The following CEP164 variants were observed in gnomAD, a reference collection of about 807,000 sequenced individuals.
CEP164 encodes centrosomal protein of 164 kDa.
A neutral mutation model predicts 182.7 loss-of-function variants in CEP164; 162 were observed. That is an observed-to-expected ratio of 0.89 (90% CI 0.78 to 1.01). The LOEUF (loss-of-function observed/expected upper bound fraction) is 1.01. CEP164 is among the 50% of genes least tolerant of loss of function. The pLI, the probability that CEP164 is intolerant of heterozygous loss-of-function variation, is 0.00. For synonymous variants in CEP164, 661 were observed against 690.0 expected (o/e 0.96, Z 0.66); for missense variants, 1,735 against 1,790.4 (o/e 0.97, Z 0.56).
Position 117,383,043 on chromosome 11 carries a change from G to A in CEP164, c.1724+101G>A. The A allele has an allele frequency of 5.1e-6, 7 of 1,362,304 alleles. No homozygotes were observed. The South Asian group carries it at 9.7e-5, about 19-fold the overall frequency. The allele number at this position is 1,362,304 out of a possible 1,614,324, so 84.4% of individuals were successfully genotyped here. ...TGGTGGGAGGTGGGGCTCAGGCTCTGGCCAAGGGTTAGAGTGTAGGGAGAT... is the reference window on the plus strand; with the variant it reads ...TGGTGGGAGGTGGGGCTCAGGCTCTAGCCAAGGGTTAGAGTGTAGGGAGAT... On this transcript the variant is annotated intron_variant, in intron 14 of 32. Coordinates refer to ENST00000278935, the MANE Select transcript of CEP164 (RefSeq NM_014956.5).
At chr11:117,377,369 C>T (rs2042865576) in intron 11 of CEP164, among the ~76,000 whole-genome samples, 1 of 152,226 alleles carries the variant, frequency 6.6e-6, no homozygotes, top group Non-Finnish European at 1.5e-5. Flanking sequence ...ACCCCCTGCT[C>T]TGTGGCCTGG....
intron 11 of CEP164, among the ~76,000 whole-genome samples, chr11:117,377,858 T>C (rs1462473904): frequency 6.6e-6 from 1 of 151,554 alleles, no homozygotes; most frequent in African/African-American, 2.4e-5. Context: ...CTTTCTTTCT[T>C]TTCTTTTCTT....
Position 117,394,406 on chromosome 11 carries a change from G to A in CEP164, c.2673G>A (p.Leu891=). Residue 891 remains leucine, a synonymous_variant, in exon 21 of 33, where the codon CTG becomes CTA. Transcript: ENST00000278935. This position sits in a 1 kb window ranked among gnomAD's most constrained non-coding sequence, Gnocchi z 4.0. The part of the protein sequence containing the change: ...LGHLTGELER[L]QRAHERELET... ...ACCTGACCGGAGAGCTGGAGCGCCT[G>A]CAGAGGGCCCATGAACGAGAACTGG... 6.2e-7 allele frequency: 1 copy of A among 1,613,240 alleles called. No individual in the cohort carries two copies. Among genetic ancestry groups the A allele is most frequent in the Non-Finnish European group, 8.5e-7 (1 of 1,179,700 alleles).
chr11:117,351,097 A>G (rs1230594641), intron 4 of CEP164, among the ~76,000 whole-genome samples: 1 of 152,170 alleles, frequency 6.6e-6, no homozygotes, highest in Non-Finnish European at 1.5e-5. Context: ...CAATGGCACA[A>G]TCTTGGCTCA....
intron 8 of CEP164, among the ~76,000 whole-genome samples, chr11:117,366,216 A>G (rs992781181): frequency 7.9e-5 from 12 of 151,888 alleles, no homozygotes; most frequent in Admixed American, 3.9e-4. Flanking sequence ...GCTCTTTGAA[A>G]ATGGCTTTTG....
At chr11:117,363,023 A>G (rs558464980) in intron 7 of CEP164, among the ~76,000 whole-genome samples, 4 of 152,346 alleles carry the variant, frequency 2.6e-5, no homozygotes, top group Admixed American at 6.5e-5. Context: ...ATAATATTCC[A>G]TGGTATGGAT....
intron 18 of CEP164, 22 bp from the exon 19 acceptor site, chr11:117,392,474 G>A (rs539051934): frequency 6.2e-7 from 1 of 1,608,936 alleles, no homozygotes; most frequent in Non-Finnish European, 8.5e-7. Context: ...ACACTCCCCT[G>A]TGTGTGCGGG....
chr11:117,385,042 A>G (rs752348959), intron 14 of CEP164: 1 of 152,266 alleles, frequency 6.6e-6, no homozygotes, highest in Non-Finnish European at 1.5e-5. Flanking sequence ...CAAGTTGAGT[A>G]TGAGAGGAGA....
intron 9 of CEP164, among the ~76,000 whole-genome samples, chr11:117,372,413 C>T (rs572426904): frequency 1.3e-5 from 2 of 150,338 alleles, no homozygotes; most frequent in South Asian, 2.1e-4. Flanking sequence ...ATCTGGCTCC[C>T]CTTGTACTTC....
chr11:117,395,963 A>G (rs989526086), intron 24 of CEP164, 91 bp from the exon 25 acceptor site: 3 of 1,547,056 alleles, frequency 1.9e-6, no homozygotes, highest in African/African-American at 2.7e-5. Context: ...GACGGATGGG[A>G]GTGAGGGGGT....
At chr11:117,407,780 C>T in intron 27 of CEP164, 145 bp from the exon 28 acceptor site, 1 of 574,518 alleles carries the variant, frequency 1.7e-6, no homozygotes, top group Non-Finnish European at 3.2e-6. Context: ...TCTTACGACC[C>T]TGTGAAAAGT....
At position 117,383,347 on chromosome 11, in the gene CEP164, C is replaced by T. The variant is rs2043557320; in HGVS notation, c.1724+405C>T. On this transcript the variant is annotated intron_variant, in intron 14 of 32. Transcript: ENST00000278935. ...AGTTCAGTGAAAGTTTGCATCTGTG[C>T]ACACTGTATAATGGCCACTCAAACA... Among the ~76,000 whole-genome samples, 3 of 152,208 alleles carry T rather than the reference C, an allele frequency of 2.0e-5. No homozygotes were observed. In the South Asian group the frequency reaches 6.2e-4, roughly 32 times the overall value.
intron 3 of CEP164, among the ~76,000 whole-genome samples, chr11:117,342,813 C>T (rs1396581021): frequency 6.6e-6 from 1 of 151,898 alleles, no homozygotes; most frequent in Non-Finnish European, 1.5e-5. Flanking sequence ...TCTCCACTGT[C>T]CTTCAGTTCT....
At chr11:117,378,258 C>T (rs975454087) in intron 11 of CEP164, among the ~76,000 whole-genome samples, 3 of 152,180 alleles carry the variant, frequency 2.0e-5, no homozygotes, top group Non-Finnish European at 4.4e-5. Flanking sequence ...TTCCTGTAGC[C>T]TTACACAGGC....
intron 1 of CEP164, among the ~76,000 whole-genome samples, chr11:117,332,725 C>T (rs2134746401): frequency 6.6e-6 from 1 of 152,274 alleles, no homozygotes; most frequent in South Asian, 2.1e-4. Context: ...ACGTGTGAGC[C>T]ACTCCTTTTT....
At chr11:117,369,522 A>G (rs775972783) in intron 8 of CEP164, among the ~76,000 whole-genome samples, 7 of 152,122 alleles carry the variant, frequency 4.6e-5, no homozygotes, top group Non-Finnish European at 1.0e-4. Context: ...TTGCAGGGAG[A>G]GGGTCATTTC....
Position 117,413,200 on chromosome 11 carries a change from G to A in CEP164, c.*1032G>A, listed in dbSNP as rs2047517968. On this transcript the variant is annotated 3_prime_UTR_variant, in exon 33 of 33. Transcript: ENST00000278935. ...GGCTCTGGGGTGGGGGCTTTGCAGG[G>A]GATGCTCTCTGATGTTTGTTCCGTT... The A allele has an allele frequency of 2.0e-5, 3 of 152,198 alleles. No individual in the cohort carries two copies. In the South Asian group the frequency reaches 6.2e-4, roughly 31 times the overall value. The allele number at this position is 152,198 out of a possible 1,614,324, so 9.4% of individuals were successfully genotyped here.
intron 12 of CEP164, 24 bp from the exon 13 acceptor site, chr11:117,381,677 T>C (rs777637973): frequency 1.3e-6 from 2 of 1,597,762 alleles, no homozygotes; most frequent in African/African-American, 2.7e-5. Context: ...GGCCTGACTC[T>C]GCTGCTCTGC....
At chr11:117,390,513 G>T (rs565111124) in intron 15 of CEP164, among the ~76,000 whole-genome samples, 1 of 152,062 alleles carries the variant, frequency 6.6e-6, no homozygotes, top group African/African-American at 2.4e-5. Context: ...GTGCATGCCT[G>T]TGGTCCCAAC....
Sources: gnomAD v4.1 joint callset for allele counts (sites outside exome capture counted in the v4.1 genomes callset) on GRCh38, gnomAD v4.1.1 for gene constraint, Gnocchi (gnomAD v3.1) non-coding constraint, MANE v1.5 for transcripts, NCBI Gene and HGNC (gene_info 2026-07-23, HGNC 2026-07-21) for gene names.